The following SLC5A8 variants were observed in gnomAD, a reference collection of about 807,000 sequenced individuals.
The protein encoded by SLC5A8 is solute carrier family 5 member 8, also known as sodium-coupled monocarboxylate transporter 1.
In SLC5A8, 55 loss-of-function variants were observed where a neutral mutation model predicts 71.9. That is an observed-to-expected ratio of 0.77 (90% CI 0.62 to 0.96). SLC5A8 has a LOEUF of 0.96. SLC5A8 is among the 40% of genes least tolerant of loss of function. The probability of loss-of-function intolerance (pLI) is 0.00; values close to 1 mark genes in which losing one functional copy is unlikely to be tolerated. For synonymous variants in SLC5A8, 307 were observed against 276.1 expected, an observed-to-expected ratio of 1.11 and a Z score of -1.11; for missense variants, 701 against 745.3, an observed-to-expected ratio of 0.94 and a Z score of 0.69.
chr12:101,166,143 C>T (rs1052049577), intron 12 of SLC5A8, among the ~76,000 whole-genome samples: 2 of 152,158 alleles, frequency 1.3e-5, no homozygotes, highest in South Asian at 4.1e-4. Flanking sequence ...ACTATATAAG[C>T]AATATTTATT....
chr12:101,170,616 C>G (rs888192321), intron 10 of SLC5A8, among the ~76,000 whole-genome samples: 3 of 152,152 alleles, frequency 2.0e-5, no homozygotes, highest in Non-Finnish European at 4.4e-5. Flanking sequence ...AGACACAGGG[C>G]CAGGAAAGGA....
intron 10 of SLC5A8, among the ~76,000 whole-genome samples, chr12:101,178,495 G>T (rs557063466): frequency 6.6e-6 from 1 of 152,230 alleles, no homozygotes; most frequent in South Asian, 2.1e-4. Flanking sequence ...AGAAAACAGA[G>T]AATTCAGAAA....
At chr12:101,175,429 A>G (rs984383669) in intron 10 of SLC5A8, among the ~76,000 whole-genome samples, 4 of 152,138 alleles carry the variant, frequency 2.6e-5, no homozygotes, top group African/African-American at 2.4e-5. Context: ...CTCAAATTTG[A>G]TAAGAGACAT....
chr12:101,162,691 T>C (rs1321655301), intron 12 of SLC5A8, among the ~76,000 whole-genome samples: 1 of 152,118 alleles, frequency 6.6e-6, no homozygotes, highest in Non-Finnish European at 1.5e-5. Flanking sequence ...GAGCTAAATG[T>C]TGGTTACTTA....
chr12:101,161,748 C>T (rs1205780361), intron 13 of SLC5A8, among the ~76,000 whole-genome samples: 2 of 152,202 alleles, frequency 1.3e-5, no homozygotes, highest in Admixed American at 1.3e-4. Flanking sequence ...AGCTATGTGA[C>T]TTGCCCAAGT....
intron 3 of SLC5A8, 66 bp from the exon 4 acceptor site, chr12:101,195,228 T>C (rs1869119167): frequency 6.5e-7 from 1 of 1,542,700 alleles, no homozygotes; most frequent in South Asian, 1.2e-5. Context: ...TCCTCAAAAA[T>C]CATCAGAGAA....
chr12:101,195,220 C>T (rs1869118639), intron 3 of SLC5A8, 58 bp from the exon 4 acceptor site: 1 of 1,562,778 alleles, frequency 6.4e-7, no homozygotes, highest in Non-Finnish European at 8.8e-7. Context: ...AAAAATAATC[C>T]TCAAAAATCA....
At chr12:101,186,931 C>G (rs1191534585) in intron 7 of SLC5A8, among the ~76,000 whole-genome samples, 1 of 152,126 alleles carries the variant, frequency 6.6e-6, no homozygotes, top group Admixed American at 6.6e-5. Flanking sequence ...CAGAATCTCA[C>G]CACATAGTTG....
At chr12:101,182,305 TTAATC>T (rs1868404498) in intron 9 of SLC5A8, among the ~76,000 whole-genome samples, 1 of 152,188 alleles carries the variant, frequency 6.6e-6, no homozygotes, top group Non-Finnish European at 1.5e-5. Context: ...TTAATCTAAT[TTAATC>T]TAATCCTCTG....
intron 9 of SLC5A8, 46 bp downstream of exon 9, chr12:101,182,757 A>C (rs201845797): frequency 7.1e-7 from 1 of 1,401,968 alleles, no homozygotes; most frequent in Non-Finnish European, 9.8e-7. Flanking sequence ...TGTCTCAAAA[A>C]ATCATCTCTC....
intron 10 of SLC5A8, 42 bp from the exon 11 acceptor site, chr12:101,168,224 C>T (rs372349430): frequency 1.2e-5 from 19 of 1,527,754 alleles, no homozygotes; most frequent in Non-Finnish European, 1.7e-5. Flanking sequence ...AATCTCAAAT[C>T]GAAACTCAAA....
intron 10 of SLC5A8, 24 bp from the exon 11 acceptor site, chr12:101,168,206 C>G: frequency 4.5e-6 from 7 of 1,571,316 alleles, no homozygotes; most frequent in African/African-American, 1.4e-5. Flanking sequence ...ACAACGTCAG[C>G]AATTAGCAAT....
chr12:101,195,256 T>C, intron 3 of SLC5A8, 94 bp from the exon 4 acceptor site: 1 of 1,339,604 alleles, frequency 7.5e-7, no homozygotes, highest in Non-Finnish European at 1.0e-6. Context: ...ATATCATTTA[T>C]CAGGCACCTT....
In SLC5A8 at chr12:101,166,474, A is replaced by T; in HGVS notation, c.1526+20T>A. ...GCGTAAATTTTTTAAAGTATAATGT[A>T]ATAAAACTTAATTCAATACCTTTGA... On this transcript the variant is annotated intron_variant, in intron 12 of 14. Transcript: ENST00000536262. 1 of 1,598,560 alleles carries T rather than the reference A, an allele frequency of 6.3e-7. No homozygotes were observed. Among genetic ancestry groups the T allele is most frequent in the African/African-American group, 1.3e-5 (1 of 74,472 alleles).
At chr12:101,203,447 A>G (rs1197697574) in intron 2 of SLC5A8, among the ~76,000 whole-genome samples, 2 of 152,044 alleles carry the variant, frequency 1.3e-5, no homozygotes, top group African/African-American at 4.8e-5. Context: ...TCCTGGGTTC[A>G]AGTGATTCTC....
intron 2 of SLC5A8, 41 bp from the exon 3 acceptor site, chr12:101,202,256 T>C: frequency 2.0e-6 from 3 of 1,481,280 alleles, no homozygotes; most frequent in South Asian, 1.3e-5. Flanking sequence ...ATATGAATTA[T>C]AAAATTCATG....
intron 10 of SLC5A8, among the ~76,000 whole-genome samples, chr12:101,170,751 C>T (rs535630734): frequency 1.3e-5 from 2 of 152,270 alleles, no homozygotes; most frequent in East Asian, 3.9e-4. Flanking sequence ...AGACTGTCAC[C>T]AGGCACCCTT....
At chr12:101,180,719 A>C (rs921273215) in intron 9 of SLC5A8, among the ~76,000 whole-genome samples, 1 of 151,954 alleles carries the variant, frequency 6.6e-6, no homozygotes, top group Non-Finnish European at 1.5e-5. Flanking sequence ...GACTTCTTTA[A>C]AAAAATTTTT....
chr12:101,168,295 A>T, intron 10 of SLC5A8, 113 bp from the exon 11 acceptor site: 1 of 992,192 alleles, frequency 1.0e-6, no homozygotes, highest in Non-Finnish European at 1.5e-6. Context: ...TCTGAAAATC[A>T]TAGTTTCAGT....
Sources: allele counts gnomAD v4.1 joint callset (sites outside exome capture counted in the v4.1 genomes callset), GRCh38; gene constraint gnomAD v4.1.1; transcripts MANE v1.5; gene names NCBI Gene and HGNC (gene_info 2026-07-23, HGNC 2026-07-21).